Variants in ABL2 observed in about 807,000 individuals in gnomAD.
The protein encoded by ABL2 is tyrosine-protein kinase ABL2.
Under a neutral mutation model 107.7 loss-of-function variants are expected in ABL2, and 49 were observed. The observed-to-expected ratio is 0.45, with a 90% CI of 0.36 to 0.58. The LOEUF is 0.58. ABL2 is among the 20% of genes least tolerant of loss of function. The pLI, the probability that ABL2 is intolerant of heterozygous loss-of-function variation, is 0.00. For missense variants in ABL2, 1,245 were observed against 1,457.0 expected (o/e 0.85, Z 2.37); for synonymous variants, 549 against 548.6 (o/e 1.00, Z -0.01).
intron 10 of ABL2, among the ~76,000 whole-genome samples, chr1:179,111,974 G>A (rs1654121226): frequency 6.6e-6 from 1 of 152,080 alleles, no homozygotes; most frequent in African/African-American, 2.4e-5. Context: ...GAACTTGGGA[G>A]GTGGAGGTTG....
chr1:179,229,555 A>C lies in ABL2; in HGVS notation c.-158T>G. ...CGGCGGCTCCGCACCCGGCCTCCTCACGGCAGCCGCCGCGCTGCCTCCAGG... is the reference window on the plus strand; with the variant it reads ...CGGCGGCTCCGCACCCGGCCTCCTCCCGGCAGCCGCCGCGCTGCCTCCAGG... On this transcript the variant is annotated 5_prime_UTR_variant, in exon 1 of 12. Transcript: ENST00000502732. 9 of 672,512 alleles carry C rather than the reference A, an allele frequency of 1.3e-5. No individual in the cohort carries two copies. The highest frequency in any genetic ancestry group is 2.0e-5 in the Non-Finnish European group (9 of 446,790). The allele number at this position is 672,512 out of a possible 1,614,324, so 41.7% of individuals were successfully genotyped here.
At chr1:179,135,955 G>GT (rs547320165) in intron 1 of ABL2, among the ~76,000 whole-genome samples, 10,201 of 104,286 alleles carry the variant, frequency 0.098, 2,228 homozygotes, top group East Asian at 0.19. Flanking sequence ...CAGGAGGGAG[G>GT]TGGGGGGGGT....
At chr1:179,177,504 T>G (rs1042527423) in intron 1 of ABL2, among the ~76,000 whole-genome samples, 1 of 152,246 alleles carries the variant, frequency 6.6e-6, no homozygotes, top group Admixed American at 6.5e-5. Context: ...ACTGTTTCCT[T>G]CCTTATCCAA....
intron 5 of ABL2, 101 bp from the exon 6 acceptor site, chr1:179,120,375 A>G: frequency 1.6e-6 from 1 of 606,746 alleles, no homozygotes; most frequent in Non-Finnish European, 2.8e-6. Context: ...CAGCTTTAAA[A>G]GTAAAAACTA....
intron 1 of ABL2, among the ~76,000 whole-genome samples, chr1:179,171,966 T>A (rs1323807134): frequency 6.6e-6 from 1 of 152,202 alleles, no homozygotes; most frequent in Non-Finnish European, 1.5e-5. Flanking sequence ...TATTAGAATA[T>A]TTCCCCAAGA....
chr1:179,194,597 T>C (rs1055651513), intron 1 of ABL2, among the ~76,000 whole-genome samples: 1 of 152,134 alleles, frequency 6.6e-6, no homozygotes, highest in Non-Finnish European at 1.5e-5. Flanking sequence ...TTTCTGCAAA[T>C]AATTAAAATC....
intron 1 of ABL2, among the ~76,000 whole-genome samples, chr1:179,157,255 G>A (rs1571216821): frequency 6.6e-6 from 1 of 152,298 alleles, no homozygotes; most frequent in Admixed American, 6.5e-5. Flanking sequence ...AGAACTTTGG[G>A]AGGCTGAGGC....
chr1:179,168,224 T>A (rs963854972), intron 1 of ABL2, among the ~76,000 whole-genome samples: 1 of 152,224 alleles, frequency 6.6e-6, no homozygotes, highest in African/African-American at 2.4e-5. Flanking sequence ...CCCTAGCAGA[T>A]ACCAAAATCC....
rs550760414 is a variant in ABL2, at chr1:179,127,070, A to G, written c.392-398T>C. On this transcript the variant is annotated intron_variant, in intron 3 of 11. Transcript: ENST00000502732. ...AAGTTTATCAAGGAATGTATCTTAT[A>G]TATGATTCAATGTTAACAACAATCA... Among the ~76,000 whole-genome samples the G allele has an allele frequency of 2.0e-5, 3 of 152,368 alleles. No individual in the cohort carries two copies. The East Asian group carries it at 5.8e-4, about 29-fold the overall frequency.
chr1:179,225,421 CA>C (rs1663134484), intron 1 of ABL2, among the ~76,000 whole-genome samples: 1 of 152,112 alleles, frequency 6.6e-6, no homozygotes, highest in African/African-American at 2.4e-5. Flanking sequence ...GTAATTTGTA[CA>C]CTAGATTCGA....
intron 1 of ABL2, among the ~76,000 whole-genome samples, chr1:179,192,844 C>G (rs1434014003): frequency 6.6e-6 from 1 of 152,144 alleles, no homozygotes; most frequent in Non-Finnish European, 1.5e-5. Context: ...TAAAATTTTG[C>G]TATTTCAAGT....
At position 179,185,625 on chromosome 1, in the gene ABL2, C is replaced by A. The variant is rs762510185; in HGVS notation, c.157+43616G>T. On this transcript the variant is annotated intron_variant, in intron 1 of 11. Coordinates refer to ENST00000502732, the MANE Select transcript of ABL2 (RefSeq NM_007314.4). ...ATTCCATGACCCAAAGTGTGGTATG[C>A]CATATTACATTTTCTTATTTTAAAC... 5.6e-4 allele frequency among the ~76,000 whole-genome samples: 85 copies of A among 151,948 alleles called. 1 individual carries two copies. The highest frequency in any genetic ancestry group is 1.5e-4 in the Non-Finnish European group (10 of 67,954).
chr1:179,115,587 C>T (rs1362948350), intron 8 of ABL2, among the ~76,000 whole-genome samples: 2 of 152,134 alleles, frequency 1.3e-5, no homozygotes, highest in Non-Finnish European at 2.9e-5. Flanking sequence ...ATGCTACCCA[C>T]CCCTTAGTCA....
At chr1:179,114,538 G>T (rs1473994805) in intron 9 of ABL2, among the ~76,000 whole-genome samples, 1 of 152,090 alleles carries the variant, frequency 6.6e-6, no homozygotes, top group Non-Finnish European at 1.5e-5. Flanking sequence ...CTACACAGAG[G>T]TTATTTTTAT....
At chr1:179,151,261 C>T (rs1044285305) in intron 1 of ABL2, among the ~76,000 whole-genome samples, 41 of 152,190 alleles carry the variant, frequency 2.7e-4, no homozygotes, top group African/African-American at 9.9e-4. Context: ...GCGTTTTAAT[C>T]AGAACTATGC....
chr1:179,143,214 G>C, intron 1 of ABL2: 5 of 901,176 alleles, frequency 5.5e-6, no homozygotes, highest in Admixed American at 3.7e-5. Flanking sequence ...TGGGTGGAGA[G>C]TGACCTAAAG....
At chr1:179,125,705 T>C (rs1655666190) in intron 4 of ABL2, among the ~76,000 whole-genome samples, 1 of 152,190 alleles carries the variant, frequency 6.6e-6, no homozygotes. Context: ...AATTGAGACT[T>C]ATGTAAGGTC....
At position 179,217,873 on chromosome 1, in the gene ABL2, A is replaced by C. The variant is rs149867100; in HGVS notation, c.157+11368T>G. On this transcript the variant is annotated intron_variant, in intron 1 of 11. Transcript: ENST00000502732. ...AAAAATACCTAAAAATCTTTGTATT[A>C]TATATATACATACATATGTATAACT... Among the ~76,000 whole-genome samples, 388 of 152,300 alleles carry C rather than the reference A, an allele frequency of 2.5e-3. 5 individuals carry two copies. The highest frequency in any genetic ancestry group is 9.0e-3 in the African/African-American group (376 of 41,562).
intron 1 of ABL2, among the ~76,000 whole-genome samples, chr1:179,191,146 A>G (rs1660986500): frequency 6.6e-6 from 1 of 152,180 alleles, no homozygotes; most frequent in Non-Finnish European, 1.5e-5. Flanking sequence ...AAAACCCAGA[A>G]TGATGACAGT....
Sources: allele counts gnomAD v4.1 joint callset (sites outside exome capture counted in the v4.1 genomes callset), GRCh38; gene constraint gnomAD v4.1.1; transcripts MANE v1.5; gene names NCBI Gene and HGNC (gene_info 2026-07-23, HGNC 2026-07-21).